PTPRN2: variants seen among roughly 807,000 people sequenced by gnomAD.
PTPRN2 encodes receptor-type tyrosine-protein phosphatase N2.
A neutral mutation model predicts 118.8 loss-of-function variants in PTPRN2; 74 were observed. The ratio of observed to expected loss-of-function variants is 0.62; its 90% CI spans 0.52 to 0.76. The LOEUF (loss-of-function observed/expected upper bound fraction) is 0.76. PTPRN2 is among the 30% of genes least tolerant of loss of function. The pLI, the probability that PTPRN2 is intolerant of heterozygous loss-of-function variation, is 0.00. For synonymous variants in PTPRN2, 641 were observed against 608.0 expected (o/e 1.05, Z -0.80); for missense variants, 1,481 against 1,394.4 (o/e 1.06, Z -0.99).
intron 13 of PTPRN2, among the ~76,000 whole-genome samples, chr7:157,678,066 T>C (rs1436110299): frequency 1.3e-5 from 2 of 152,250 alleles, no homozygotes; most frequent in Non-Finnish European, 2.9e-5. Flanking sequence ...GGCTTGACTT[T>C]ACAATAAAAT....
chr7:158,071,121 CCGTGGTGGTGGAGGTGCT>C (rs1811419875), intron 11 of PTPRN2, among the ~76,000 whole-genome samples: 1 of 7,876 alleles, frequency 1.3e-4, no homozygotes, highest in Non-Finnish European at 2.2e-4. Flanking sequence ...GTGGAGGTGC[CCGTGGTGGTGGAGGTGCT>C]CGTGGTGGTG....
chr7:157,715,228 G>GGCCGTGC (rs949519616), intron 12 of PTPRN2, among the ~76,000 whole-genome samples: 6 of 152,220 alleles, frequency 3.9e-5, no homozygotes, highest in African/African-American at 1.4e-4. Context: ...CGGGAGTCCA[G>GGCCGTGC]GCCGTGCGCC....
At chr7:157,871,247 A>G (rs1350608865) in intron 12 of PTPRN2, among the ~76,000 whole-genome samples, 1 of 152,164 alleles carries the variant, frequency 6.6e-6, no homozygotes, top group Non-Finnish European at 1.5e-5. Flanking sequence ...GCTTGTTAGA[A>G]ACACAGATCC....
chr7:157,781,750 C>T (rs1444612266), intron 12 of PTPRN2, among the ~76,000 whole-genome samples: 1 of 152,204 alleles, frequency 6.6e-6, no homozygotes, highest in Non-Finnish European at 1.5e-5. Context: ...TCTGACTTCA[C>T]AGTACCCAAA....
chr7:157,776,970 A>G (rs111420528), intron 12 of PTPRN2, among the ~76,000 whole-genome samples: 29 of 21,024 alleles, frequency 1.4e-3, no homozygotes, highest in African/African-American at 5.5e-3. Flanking sequence ...CTCCTCCTCC[A>G]TCTTCTCCTT....
rs1285071753 is a variant in PTPRN2 at position 157,603,262 on chromosome 7, G to GCTGCAAACCTCCCCATTCAGCC, written c.2418+718_2418+739dup. On this transcript the variant is annotated intron_variant, in intron 16 of 22. Transcript: ENST00000389418. The surrounding 1 kb of genome is among the most constrained non-coding windows in gnomAD (Gnocchi z 5.4). ...TCCCTCCTCTGCTCACTCTGGGAGG[G>GCTGCAAACCTCCCCATTCAGCC]CTGCAAACCTCCCCATTCAGCCCTG... is the stretch of plus-strand genomic sequence containing the variant. Among the ~76,000 whole-genome samples, 5 of 152,000 alleles carry GCTGCAAACCTCCCCATTCAGCC rather than the reference G, an allele frequency of 3.3e-5. No homozygotes were observed. Among genetic ancestry groups the GCTGCAAACCTCCCCATTCAGCC allele is most frequent in the Non-Finnish European group, 7.4e-5 (5 of 68,010 alleles).
At chr7:157,902,561 T>C (rs112128452) in intron 11 of PTPRN2, among the ~76,000 whole-genome samples, 342 of 64,630 alleles carry the variant, frequency 5.3e-3, no homozygotes, top group Middle Eastern at 0.026. Context: ...CCCGCGGTGG[T>C]CTGGAGAGTA....
chr7:157,656,577 G>A (rs1465023283), intron 13 of PTPRN2, 26 bp from the exon 14 acceptor site: 2 of 1,503,412 alleles, frequency 1.3e-6, no homozygotes, highest in East Asian at 2.5e-5. Flanking sequence ...AGGAAGAGCA[G>A]GGGGTTAGTG....
At chr7:158,122,463 C>A (rs1457071792) in intron 9 of PTPRN2, among the ~76,000 whole-genome samples, 1 of 152,154 alleles carries the variant, frequency 6.6e-6, no homozygotes. Flanking sequence ...ATCCACATCA[C>A]CCCGAAATGA....
At position 158,536,715 on chromosome 7, in the gene PTPRN2, A is replaced by C. The variant is rs184619567; in HGVS notation, c.113-46930T>G. 1.4e-3 allele frequency among the ~76,000 whole-genome samples: 211 copies of C among 152,038 alleles called. 2 individuals carry two copies. Among genetic ancestry groups the C allele is most frequent in the African/African-American group, 4.9e-3 (203 of 41,452 alleles). On this transcript the variant is annotated intron_variant, in intron 1 of 22. Transcript: ENST00000389418. ...GGGCCTTCCCAGCCCACCATTGACGAGATGAGACTCAGGAAGACACAAGGG... is the reference window on the plus strand; with the variant it reads ...GGGCCTTCCCAGCCCACCATTGACGCGATGAGACTCAGGAAGACACAAGGG...
chr7:158,364,903 A>C (rs1288312268), intron 2 of PTPRN2, among the ~76,000 whole-genome samples: 1 of 152,310 alleles, frequency 6.6e-6, no homozygotes, highest in East Asian at 1.9e-4. Flanking sequence ...GTCACACCTG[A>C]GCAGGCAGCT....
At chr7:157,744,388 C>T (rs956864639) in intron 12 of PTPRN2, among the ~76,000 whole-genome samples, 1 of 152,138 alleles carries the variant, frequency 6.6e-6, no homozygotes, top group Non-Finnish European at 1.5e-5. Flanking sequence ...CGACCTGGCG[C>T]CCGTTCAACA....
rs1316511647 is a variant in PTPRN2, at chr7:157,845,443, C to A, written c.1788+53230G>T. Among the ~76,000 whole-genome samples the A allele has an allele frequency of 6.6e-6, 1 of 151,958 alleles. No individual in the cohort carries two copies. The highest frequency in any genetic ancestry group is 6.6e-5 in the Admixed American group (1 of 15,248). ...CTAACTCACCATGTTCCCGGCCATA[C>A]CCCAGTGAACCACACAGCCTAACTC... On this transcript the variant is annotated intron_variant, in intron 12 of 22. Transcript: ENST00000389418. The surrounding 1 kb of genome is among the most constrained non-coding windows in gnomAD (Gnocchi z 4.5).
At chr7:158,090,020 A>AC in intron 10 of PTPRN2, among the ~76,000 whole-genome samples, 1 of 42,828 alleles carries the variant, frequency 2.3e-5, no homozygotes, top group African/African-American at 4.5e-5. Flanking sequence ...GTCTTCACAC[A>AC]AACCCTTCCT....
At position 158,324,805 on chromosome 7, in the gene PTPRN2, C is replaced by T. The variant is rs777964029; in HGVS notation, c.164-7873G>A. 5.2e-4 allele frequency among the ~76,000 whole-genome samples: 79 copies of T among 152,132 alleles called. 1 individual carries two copies. The Middle Eastern group carries it at 0.01, about 20-fold the overall frequency. Reference sequence around the variant, plus strand: ...ACCCAGAACCATCCAATTGGAGCACCGGAAAGCTGTGGACCGAACAAGGTG... The same window carrying T: ...ACCCAGAACCATCCAATTGGAGCACTGGAAAGCTGTGGACCGAACAAGGTG... On this transcript the variant is annotated intron_variant, in intron 2 of 22. Transcript: ENST00000389418.
intron 16 of PTPRN2, among the ~76,000 whole-genome samples, chr7:157,601,082 A>G (rs1173592179): frequency 6.6e-6 from 1 of 152,212 alleles, no homozygotes; most frequent in Non-Finnish European, 1.5e-5. Flanking sequence ...CGTGAACACC[A>G]TTCCTCAACT....
intron 1 of PTPRN2, among the ~76,000 whole-genome samples, chr7:158,515,140 A>G (rs1285498403): frequency 1.3e-5 from 2 of 151,998 alleles, no homozygotes; most frequent in African/African-American, 4.8e-5. Flanking sequence ...CCCCGGGCAC[A>G]CAAAGCGGCC....
chr7:157,693,645 G>T (rs1450495282), intron 12 of PTPRN2, among the ~76,000 whole-genome samples: 1 of 152,088 alleles, frequency 6.6e-6, no homozygotes, highest in African/African-American at 2.4e-5. Flanking sequence ...TCTGGGCCGG[G>T]GAGCAGCTGG....
rs1225920807 is a variant in PTPRN2 at position 158,509,351 on chromosome 7, C to G, written c.113-19566G>C. ...TGCAATCGGGGCTGGAGCCGGAGAC[C>G]CCTCCACCCTGCAGTCAGGGCCAGC... On this transcript the variant is annotated intron_variant, in intron 1 of 22. Coordinates refer to ENST00000389418, the MANE Select transcript of PTPRN2 (RefSeq NM_002847.5). The surrounding 1 kb of genome is among the most constrained non-coding windows in gnomAD (Gnocchi z 4.4). Among the ~76,000 whole-genome samples, 1 of 152,150 alleles carries G rather than the reference C, an allele frequency of 6.6e-6. No homozygotes were observed. The highest frequency in any genetic ancestry group is 1.5e-5 in the Non-Finnish European group (1 of 68,018).
Sources: allele counts gnomAD v4.1 joint callset (sites outside exome capture counted in the v4.1 genomes callset), GRCh38; gene constraint gnomAD v4.1.1; non-coding constraint Gnocchi (gnomAD v3.1); transcripts MANE v1.5; gene names NCBI Gene and HGNC (gene_info 2026-07-23, HGNC 2026-07-21).